Variants in SV2C observed in about 807,000 individuals in gnomAD.
The protein encoded by SV2C is solute carrier family 22 member B3.
A neutral mutation model predicts 79.7 loss-of-function variants in SV2C; 49 were observed. The ratio of observed to expected loss-of-function variants is 0.61; its 90% CI spans 0.49 to 0.78. The LOEUF is 0.78. Ranked by LOEUF, SV2C falls within the 30% of genes least tolerant of loss-of-function variation. The pLI, the probability that SV2C is intolerant of heterozygous loss-of-function variation, is 0.00. For synonymous variants in SV2C, 334 were observed against 333.2 expected (o/e 1.00, Z -0.03); for missense variants, 833 against 912.9 (o/e 0.91, Z 1.13).
intron 1 of SV2C, among the ~76,000 whole-genome samples, chr5:76,102,337 C>T (rs1747770002): frequency 6.6e-6 from 1 of 152,068 alleles, no homozygotes; most frequent in Non-Finnish European, 1.5e-5. Flanking sequence ...ACATAGCTAA[C>T]TCTCACTCAT....
chr5:76,003,478 T>C, the SV2C span, among the ~76,000 whole-genome samples: 1 of 152,218 alleles, frequency 6.6e-6, no homozygotes, highest in South Asian at 2.1e-4. Flanking sequence ...TAGGCAATTA[T>C]AATTGCTAGC....
At chr5:75,914,483 C>G in the SV2C span, among the ~76,000 whole-genome samples, 1 of 151,972 alleles carries the variant, frequency 6.6e-6, no homozygotes, top group Non-Finnish European at 1.5e-5. Flanking sequence ...AGGTTGTGTC[C>G]AGAAGCATGG....
At chr5:76,037,719 C>A in the SV2C span, among the ~76,000 whole-genome samples, 2 of 152,326 alleles carry the variant, frequency 1.3e-5, no homozygotes, top group South Asian at 4.1e-4. Context: ...GCCCTGCCCC[C>A]AGAGGTGGAG....
intron 4 of SV2C, among the ~76,000 whole-genome samples, chr5:76,256,523 C>A (rs1746271238): frequency 6.6e-6 from 1 of 152,170 alleles, no homozygotes; most frequent in Non-Finnish European, 1.5e-5. Context: ...ATGAAGCAAC[C>A]CTTAAACGTT....
the SV2C span, among the ~76,000 whole-genome samples, chr5:76,055,749 C>G: frequency 3.3e-5 from 5 of 152,076 alleles, no homozygotes; most frequent in African/African-American, 1.2e-4. Flanking sequence ...ATTTTATTCT[C>G]TTTGTAGCAG....
At chr5:75,985,139 A>C in the SV2C span, among the ~76,000 whole-genome samples, 1 of 151,960 alleles carries the variant, frequency 6.6e-6, no homozygotes, top group African/African-American at 2.4e-5. Context: ...AGGAGCAGCT[A>C]TGTGCAAAAA....
At chr5:76,036,784 G>T in the SV2C span, among the ~76,000 whole-genome samples, 10 of 152,104 alleles carry the variant, frequency 6.6e-5, no homozygotes, top group Admixed American at 5.2e-4. Context: ...GAATCTGAAT[G>T]TTGGCCTGCC....
At chr5:76,209,570 A>T (rs1310975655) in intron 3 of SV2C, among the ~76,000 whole-genome samples, 166 bp from the exon 4 acceptor site, 3 of 152,222 alleles carry the variant, frequency 2.0e-5, no homozygotes, top group Non-Finnish European at 4.4e-5. Flanking sequence ...TATTAAATAC[A>T]GAGACTATAA....
At chr5:76,136,571 A>G (rs1190107017) in intron 2 of SV2C, among the ~76,000 whole-genome samples, 1 of 152,050 alleles carries the variant, frequency 6.6e-6, no homozygotes, top group East Asian at 1.9e-4. Flanking sequence ...AAAATGCTAT[A>G]GGATTGCAGA....
chr5:76,237,073 C>T (rs1745638550), intron 4 of SV2C, among the ~76,000 whole-genome samples: 1 of 152,192 alleles, frequency 6.6e-6, no homozygotes, highest in South Asian at 2.1e-4. Flanking sequence ...CTGAGGCTTT[C>T]CCAGCAATGT....
chr5:76,046,845 C>T, the SV2C span, among the ~76,000 whole-genome samples: 1 of 152,156 alleles, frequency 6.6e-6, no homozygotes, highest in African/African-American at 2.4e-5. Flanking sequence ...TATGACTGCC[C>T]TTGCTCATTC....
chr5:75,849,011 T>A, the SV2C span, among the ~76,000 whole-genome samples: 1 of 152,250 alleles, frequency 6.6e-6, no homozygotes, highest in Non-Finnish European at 1.5e-5. Flanking sequence ...GTGTATCATA[T>A]CCTTGACCTC....
At chr5:76,223,560 C>T (rs1287396475) in intron 4 of SV2C, among the ~76,000 whole-genome samples, 5 of 138,586 alleles carry the variant, frequency 3.6e-5, no homozygotes, top group East Asian at 2.2e-4. Flanking sequence ...GCTTTATAAC[C>T]CACATTTGAT....
At chr5:76,245,930 G>GTGTGTGTA (rs1554042675) in intron 4 of SV2C, among the ~76,000 whole-genome samples, 2 of 142,458 alleles carry the variant, frequency 1.4e-5, no homozygotes, top group African/African-American at 5.2e-5. Flanking sequence ...GTGTGTGTGT[G>GTGTGTGTA]TGTGTATGTG....
At chr5:75,852,698 T>C in the SV2C span, among the ~76,000 whole-genome samples, 29 of 151,724 alleles carry the variant, frequency 1.9e-4, no homozygotes, top group Non-Finnish European at 2.2e-4. Context: ...TGGTGGCAGG[T>C]GCCTGTAGTC....
At chr5:76,099,858 T>A (rs1747680201) in intron 1 of SV2C, among the ~76,000 whole-genome samples, 1 of 152,230 alleles carries the variant, frequency 6.6e-6, no homozygotes, top group Non-Finnish European at 1.5e-5. Context: ...AACTAATATG[T>A]GTCTCTGAGA....
intron 12 of SV2C, among the ~76,000 whole-genome samples, chr5:76,314,788 C>A (rs1468123976): frequency 1.3e-5 from 2 of 152,116 alleles, no homozygotes; most frequent in Non-Finnish European, 2.9e-5. Context: ...CCTCCCCTCC[C>A]AGTAGGTGTG....
At chr5:76,183,481 G>C (rs1417481660) in intron 2 of SV2C, among the ~76,000 whole-genome samples, 4 of 152,080 alleles carry the variant, frequency 2.6e-5, no homozygotes, top group African/African-American at 9.7e-5. Context: ...ATTTGGGCAT[G>C]ACAAATATCC....
At chr5:76,100,888 A>T (rs958698828) in intron 1 of SV2C, among the ~76,000 whole-genome samples, 10 of 152,218 alleles carry the variant, frequency 6.6e-5, no homozygotes, top group African/African-American at 2.4e-4. Flanking sequence ...TACCTAGTAG[A>T]TGACAGTAGC....
Sources: allele counts gnomAD v4.1 joint callset (sites outside exome capture counted in the v4.1 genomes callset), GRCh38; gene constraint gnomAD v4.1.1; transcripts MANE v1.5; gene names NCBI Gene and HGNC (gene_info 2026-07-23, HGNC 2026-07-21).